The following NRXN3 variants were observed in gnomAD, a reference collection of about 807,000 sequenced individuals.
NRXN3 encodes the protein neurexin 3.
A neutral mutation model predicts 137.6 loss-of-function variants in NRXN3; 32 were observed. The observed-to-expected ratio is 0.23, with a 90% CI of 0.18 to 0.31. The LOEUF (loss-of-function observed/expected upper bound fraction) is 0.31. Among genes scored for constraint, NRXN3 ranks in the 10% least tolerant of loss-of-function variants. The pLI, the probability that NRXN3 is intolerant of heterozygous loss-of-function variation, is 1.00. For missense variants in NRXN3, 1,574 were observed against 2,062.5 expected (o/e 0.76, Z 4.59); for synonymous variants, 798 against 784.5 (o/e 1.02, Z -0.29).
chr14:79,497,758 T>TG (rs2096781116), intron 16 of NRXN3, among the ~76,000 whole-genome samples: 1 of 152,136 alleles, frequency 6.6e-6, no homozygotes, highest in African/African-American at 2.4e-5. Context: ...AGAATGAGGC[T>TG]GGGCACGGTG....
intron 4 of NRXN3, chr14:78,602,316 G>A (rs1229799471): frequency 8.0e-6 from 1 of 125,334 alleles, no homozygotes; most frequent in Non-Finnish European, 1.6e-5. Context: ...ACCTTCAAAA[G>A]CAAGCAAAGC....
intron 16 of NRXN3, among the ~76,000 whole-genome samples, chr14:79,551,338 C>T (rs189168295): frequency 6.8e-4 from 104 of 152,102 alleles, no homozygotes; most frequent in Non-Finnish European, 5.7e-4. Context: ...GTTTACAAAA[C>T]AAAACATGGA....
At chr14:78,569,058 C>G (rs1467628658) in intron 4 of NRXN3, among the ~76,000 whole-genome samples, 1 of 149,488 alleles carries the variant, frequency 6.7e-6, no homozygotes, top group East Asian at 2.0e-4. Flanking sequence ...AGCTCTGCCT[C>G]CCAGGTTCAC....
At chr14:78,973,178 G>A (rs966708201) in intron 14 of NRXN3, among the ~76,000 whole-genome samples, 5 of 152,096 alleles carry the variant, frequency 3.3e-5, no homozygotes, top group African/African-American at 9.7e-5. Flanking sequence ...ATCCCATACC[G>A]TGACTATACA....
intron 15 of NRXN3, among the ~76,000 whole-genome samples, chr14:79,336,844 C>G (rs1220211930): frequency 6.6e-6 from 1 of 152,086 alleles, no homozygotes; most frequent in African/African-American, 2.4e-5. Flanking sequence ...TATGAACAAC[C>G]CCAAGGTCAG....
chr14:79,523,798 A>G (rs1457924632), intron 16 of NRXN3, among the ~76,000 whole-genome samples: 1 of 152,226 alleles, frequency 6.6e-6, no homozygotes, highest in Non-Finnish European at 1.5e-5. Flanking sequence ...TTAGACCCAG[A>G]GCAGATTAAT....
intron 19 of NRXN3, among the ~76,000 whole-genome samples, chr14:79,712,838 C>T (rs1242210154): frequency 2.6e-5 from 4 of 152,146 alleles, no homozygotes; most frequent in Non-Finnish European, 2.9e-5. Flanking sequence ...CTTCCTTGCT[C>T]GTCATGCTGG....
At chr14:79,463,405 C>T (rs2096378580) in intron 15 of NRXN3, among the ~76,000 whole-genome samples, 1 of 152,042 alleles carries the variant, frequency 6.6e-6, no homozygotes, top group South Asian at 2.1e-4. Context: ...TCACCATCAG[C>T]TCCATCACAG....
At chr14:78,648,884 GAAGGGAGTGGGCGGTGTCC>G (rs1267301610) in intron 5 of NRXN3, among the ~76,000 whole-genome samples, 1 of 152,098 alleles carries the variant, frequency 6.6e-6, no homozygotes, top group Non-Finnish European at 1.5e-5. Context: ...TAGAGGGTGG[GAAGGGAGTGGGCGGTGTCC>G]ATTCAGAAAG....
intron 16 of NRXN3, among the ~76,000 whole-genome samples, chr14:79,594,833 G>C (rs1317897770): frequency 6.6e-6 from 1 of 152,064 alleles, no homozygotes; most frequent in African/African-American, 2.4e-5. Context: ...TAAGTACCTT[G>C]GTGCTTCTTT....
At chr14:79,193,995 G>A (rs938549134) in intron 15 of NRXN3, among the ~76,000 whole-genome samples, 10 of 152,166 alleles carry the variant, frequency 6.6e-5, no homozygotes, top group African/African-American at 2.4e-4. Context: ...TTTGAAACTT[G>A]AAAATCAGAA....
intron 1 of NRXN3, among the ~76,000 whole-genome samples, chr14:78,211,817 G>A (rs1416074553): frequency 1.3e-5 from 2 of 152,204 alleles, no homozygotes; most frequent in Non-Finnish European, 2.9e-5. Context: ...AGTGGAAAAG[G>A]GGGGCTATGC....
At chr14:78,634,355 TCC>T (rs2097548876) in intron 4 of NRXN3, among the ~76,000 whole-genome samples, 2 of 152,174 alleles carry the variant, frequency 1.3e-5, no homozygotes, top group African/African-American at 4.8e-5. Context: ...TCAATTCAAT[TCC>T]ACAGGTCTTT....
At chr14:79,550,033 G>C (rs1165365992) in intron 16 of NRXN3, among the ~76,000 whole-genome samples, 1 of 151,944 alleles carries the variant, frequency 6.6e-6, no homozygotes, top group East Asian at 1.9e-4. Flanking sequence ...GCAGTGGCAT[G>C]ATCTCGGCTC....
chr14:79,069,879 C>T (rs567277451), intron 15 of NRXN3, among the ~76,000 whole-genome samples: 1 of 152,206 alleles, frequency 6.6e-6, no homozygotes, highest in East Asian at 1.9e-4. Context: ...TCTTCTGTAC[C>T]TGTGTTTGGA....
At chr14:79,023,796 A>G (rs1018909553) in intron 15 of NRXN3, among the ~76,000 whole-genome samples, 1 of 152,076 alleles carries the variant, frequency 6.6e-6, no homozygotes, top group African/African-American at 2.4e-5. Flanking sequence ...CCCATGATTC[A>G]GTTACCTCCC....
At chr14:79,146,061 C>T (rs1015184787) in intron 15 of NRXN3, among the ~76,000 whole-genome samples, 2 of 151,856 alleles carry the variant, frequency 1.3e-5, no homozygotes, top group African/African-American at 4.8e-5. Context: ...AATAAGCTGC[C>T]TAATTTATTG....
At chr14:78,652,640 G>C (rs560788002) in intron 6 of NRXN3, among the ~76,000 whole-genome samples, 1 of 152,278 alleles carries the variant, frequency 6.6e-6, no homozygotes, top group South Asian at 2.1e-4. Context: ...GAAATTTGTT[G>C]AACATCATTT....
intron 15 of NRXN3, among the ~76,000 whole-genome samples, chr14:79,055,449 C>A (rs2099657594): frequency 6.6e-6 from 1 of 152,170 alleles, no homozygotes; most frequent in African/African-American, 2.4e-5. Context: ...GTAATTGCCT[C>A]ATTGTGACCA....
Sources: allele counts gnomAD v4.1 joint callset (sites outside exome capture counted in the v4.1 genomes callset), GRCh38; gene constraint gnomAD v4.1.1; transcripts MANE v1.5; gene names NCBI Gene and HGNC (gene_info 2026-07-23, HGNC 2026-07-21).